Variants in TTN observed in about 807,000 individuals in gnomAD.
TTN encodes connectin.
In TTN, 1,525 loss-of-function variants were observed where a neutral mutation model predicts 3,223.0. The ratio of observed to expected loss-of-function variants is 0.47; its 90% confidence interval spans 0.45 to 0.49. The LOEUF (loss-of-function observed/expected upper bound fraction) is 0.49. TTN is among the 20% of genes least tolerant of loss of function. The pLI, the probability that TTN is intolerant of heterozygous loss-of-function variation, is 0.00. For synonymous variants in TTN, 14,094 were observed against 15,161.0 expected, an observed-to-expected ratio of 0.93 and a Z score of 5.17; for missense variants, 40,786 against 43,424.0, an observed-to-expected ratio of 0.94 and a Z score of 5.40.
rs767095590 is a variant in TTN, at chr2:178,756,279, T to C, written c.11197A>G (p.Ile3733Val). ...CTCTCTCCACAGTCATTGTGTACAATGCAGCTGTATAGTCCTTGGTCTACC... is the reference window on the plus strand; with the variant it reads ...CTCTCTCCACAGTCATTGTGTACAACGCAGCTGTATAGTCCTTGGTCTACC... ...QLVDQGLYSCIVHNDCGERTT... is the reference protein window; with the variant it reads ...QLVDQGLYSCVVHNDCGERTT... The change falls in exon 46 of 363, where the codon ATT (isoleucine) becomes GTT (valine). Residue 3733 changes from isoleucine (I) to valine (V), a missense_variant. Physicochemically the swap from Ile to Val is conservative, Grantham distance 29 (BLOSUM62 3). Coordinates refer to ENST00000589042, the MANE Select transcript of TTN (RefSeq NM_001267550.2). 5.0e-6 allele frequency: 8 copies of C among 1,613,788 alleles called. No individual in the cohort carries two copies. Among genetic ancestry groups the C allele is most frequent in the Admixed American group, 1.7e-5 (1 of 60,004 alleles).
intron 330 of TTN, 48 bp from the exon 331 acceptor site, chr2:178,555,200 A>G: frequency 6.4e-7 from 1 of 1,555,572 alleles, no homozygotes. Flanking sequence ...TAAGGATGGA[A>G]AAAAAAATAG....
chr2:178,558,296 A>G (rs370956666), intron 327 of TTN, 45 bp downstream of exon 327: 237 of 1,592,804 alleles, frequency 1.5e-4, no homozygotes, highest in Non-Finnish European at 1.9e-4. Flanking sequence ...ACATAAATCA[A>G]TGCAAATAAT....
Position 178,731,069 on chromosome 2 carries a change from C to A in TTN, c.17596G>T (p.Gly5866Cys), listed in dbSNP as rs753136638. The A allele has an allele frequency of 1.7e-5, 28 of 1,613,428 alleles. No homozygotes were observed. In the Admixed American group the frequency reaches 3.0e-4, roughly 17 times the overall value. ...GTGACACTGATTTTATATTTTGAGC[C>A]CAGGGTCAGTTCTTGGCCATCTTTA... ...WFKDGQELTLGSKYKISVTDT... is the reference protein window; with the variant it reads ...WFKDGQELTLCSKYKISVTDT... The change falls in exon 60 of 363, where the codon GGC becomes TGC. Residue 5866 changes from glycine (G) to cysteine (C), a missense_variant. Gly to Cys is a radical substitution (Grantham distance 159). Coordinates refer to ENST00000589042, the MANE Select transcript of TTN (RefSeq NM_001267550.2).
chr2:178,679,361 C>T lies in TTN; in HGVS notation c.33720G>A (p.Lys11240=). 1 of 1,612,652 alleles carries T rather than the reference C, an allele frequency of 6.2e-7. No homozygotes were observed. The highest frequency in any genetic ancestry group is 2.2e-5 in the East Asian group (1 of 44,868). ...EEKVPVLIPK[K]EKPPPAKVPE... ...TACCTTTTGCTGGCGGAGGCTTCTC[C>T]TTTTTAGGAATAAGCACAGGAACTT... Residue 11240 remains lysine, a synonymous_variant, in exon 142 of 363, where the codon AAG becomes AAA. Coordinates refer to ENST00000589042, the MANE Select transcript of TTN (RefSeq NM_001267550.2).
In TTN at chr2:178,757,604, C is replaced by G. The variant is rs750647730; in HGVS notation, c.10616G>C (p.Cys3539Ser). The G allele has an allele frequency of 1.2e-6, 2 of 1,609,388 alleles. No homozygotes were observed. Among genetic ancestry groups the G allele is most frequent in the African/African-American group, 1.3e-5 (1 of 74,808 alleles). The change falls in exon 45 of 363, where the codon TGC becomes TCC. Residue 3539 changes from cysteine (C) to serine (S), a missense_variant. By Grantham distance (112) the Cys-to-Ser change is moderately radical (BLOSUM62 -1). Coordinates refer to ENST00000589042, the MANE Select transcript of TTN (RefSeq NM_001267550.2). ...AYSEHAGQYSCKAANSAGEAT... is the reference protein window; with the variant it reads ...AYSEHAGQYSSKAANSAGEAT... ...TTCCCCAGCACTATTGGCTGCTTTGCAAGAGTACTGCCCAGCATGCTCTGA... is the reference window on the plus strand; with the variant it reads ...TTCCCCAGCACTATTGGCTGCTTTGGAAGAGTACTGCCCAGCATGCTCTGA...
In TTN at chr2:178,588,994, A is replaced by G; in HGVS notation, c.62731T>C (p.Trp20911Arg). The G allele has an allele frequency of 6.2e-7, 1 of 1,611,892 alleles. No homozygotes were observed. Among genetic ancestry groups the G allele is most frequent in the Non-Finnish European group, 8.5e-7 (1 of 1,179,332 alleles). Reference protein sequence around the residue: ...LEKCETKRMVWSTYSATVLTP... With the variant: ...LEKCETKRMVRSTYSATVLTP... ...AAGACAGTAGCAGAATAGGTAGACCAAACCATTCGCTTTGTCTCACATTTT... is the reference window on the plus strand; with the variant it reads ...AAGACAGTAGCAGAATAGGTAGACCGAACCATTCGCTTTGTCTCACATTTT... The change falls in exon 304 of 363, where the codon TGG becomes CGG. Residue 20911 changes from tryptophan to arginine, a missense_variant. By Grantham distance (101) the Trp-to-Arg change is moderately radical. Transcript: ENST00000589042.
chr2:178,732,026 C>T, intron 57 of TTN, 40 bp downstream of exon 57: 1 of 1,588,096 alleles, frequency 6.3e-7, no homozygotes, highest in Non-Finnish European at 8.6e-7. Flanking sequence ...GTGCCATGGG[C>T]CATAACTTTG....
At chr2:178,671,836 G>A (rs1339016011) in intron 155 of TTN, 135 bp downstream of exon 155, 26 of 854,158 alleles carry the variant, frequency 3.0e-5, no homozygotes, top group Non-Finnish European at 4.3e-5. Flanking sequence ...ATTAATCTTT[G>A]TGTCAACTAG....
chr2:178,720,402 C>T lies in TTN; in HGVS notation c.23360G>A (p.Cys7787Tyr). The T allele has an allele frequency of 6.2e-7, 1 of 1,612,474 alleles. No individual in the cohort carries two copies. Among genetic ancestry groups the T allele is most frequent in the East Asian group, 2.2e-5 (1 of 44,868 alleles). ...TNEVGSDTCS[C>Y]SVKFKEPPRF... ...ATACAAACCTTTGAACTTGACAGAG[C>T]AAGAACACGTGTCACTTCCCACCTC... is the stretch of plus-strand genomic sequence containing the variant. The change falls in exon 80 of 363, where the codon TGC becomes TAC. Residue 7787 changes from cysteine (C) to tyrosine (Y), a missense_variant. Physicochemically the swap from Cys to Tyr is radical, Grantham distance 194. Transcript: ENST00000589042.
chr2:178,748,354 A>G (rs936420020), intron 47 of TTN: 5 of 1,613,050 alleles, frequency 3.1e-6, no homozygotes, highest in African/African-American at 1.3e-5. Context: ...TTCTATTTGA[A>G]AGCTCTTGAC....
At position 178,558,330 on chromosome 2, in the gene TTN, A is replaced by G; in HGVS notation, c.87118+11T>C. ...ATTTCAAATTTTGCTTCTACACAAA[A>G]TTAGACATACCTAGTTGCTCCTTAA... is the stretch of plus-strand genomic sequence containing the variant. On this transcript the variant is annotated intron_variant, in intron 327 of 362. Coordinates refer to ENST00000589042, the MANE Select transcript of TTN (RefSeq NM_001267550.2). 1 of 1,603,860 alleles carries G rather than the reference A, an allele frequency of 6.2e-7. No individual in the cohort carries two copies. The highest frequency in any genetic ancestry group is 8.5e-7 in the Non-Finnish European group (1 of 1,177,368).
Position 178,781,168 on chromosome 2 carries a change from C to A in TTN, c.3476G>T (p.Arg1159Leu), listed in dbSNP as rs149883066. 17 of 1,613,840 alleles carry A rather than the reference C, an allele frequency of 1.1e-5. No individual in the cohort carries two copies. Among genetic ancestry groups the A allele is most frequent in the Non-Finnish European group, 3.4e-6 (4 of 1,179,930 alleles). ...TGCAGAAGTTTCTCCATGCTTATTGCGAACAACAATAGTGTATTCTCCAGC... is the reference window on the plus strand; with the variant it reads ...TGCAGAAGTTTCTCCATGCTTATTGAGAACAACAATAGTGTATTCTCCAGC... Reference protein sequence around the residue: ...DDAGEYTIVVRNKHGETSASA... With the variant: ...DDAGEYTIVVLNKHGETSASA... The change falls in exon 21 of 363, where the codon CGC becomes CTC. Residue 1159 changes from arginine to leucine, a missense_variant. Coordinates refer to ENST00000589042, the MANE Select transcript of TTN (RefSeq NM_001267550.2).
Position 178,611,688 on chromosome 2 carries a change from A to C in TTN, c.50552-11T>G. ...GTGGTGAGGGAGGACCTGAGAAAAG[A>C]GTGAAATATTCATATCCACAGTCTC... On this transcript the variant is annotated splice_polypyrimidine_tract_variant and intron_variant, in intron 268 of 362. Coordinates refer to ENST00000589042, the MANE Select transcript of TTN (RefSeq NM_001267550.2). The C allele has an allele frequency of 1.2e-6, 2 of 1,612,452 alleles. No homozygotes were observed. The highest frequency in any genetic ancestry group is 1.7e-6 in the Non-Finnish European group (2 of 1,179,192).
chr2:178,677,955 T>C, intron 145 of TTN, 38 bp from the exon 146 acceptor site: 2 of 1,567,696 alleles, frequency 1.3e-6, no homozygotes, highest in Non-Finnish European at 1.7e-6. Context: ...AACATCACTT[T>C]TATGTAAAAT....
chr2:178,613,140 C>A (rs746856923), intron 264 of TTN, 21 bp downstream of exon 264: 1 of 1,606,992 alleles, frequency 6.2e-7, no homozygotes, highest in South Asian at 1.1e-5. Context: ...GAAATAACCA[C>A]AAAAATTATA....
intron 250 of TTN, chr2:178,619,273 T>C (rs189926911): frequency 2.1e-4 from 79 of 381,108 alleles, no homozygotes; most frequent in African/African-American, 1.6e-3. Flanking sequence ...TGGGTCAGGA[T>C]GAGAACATAC....
rs202200861 is a variant in TTN at position 178,607,462 on chromosome 2, A to G, written c.53226T>C (p.Tyr17742=). Residue 17742 remains tyrosine, a synonymous_variant, in exon 277 of 363, where the codon TAT becomes TAC. Coordinates refer to ENST00000589042, the MANE Select transcript of TTN (RefSeq NM_001267550.2). The part of the protein sequence containing the change: ...KDALRKDHGR[Y]VITATNSCGS... ...CACAGCTATTTGTAGCTGTAATCAC[A>G]TATCTGCCATGGTCTTTTCGCAGTG... 698 of 1,613,170 alleles carry G rather than the reference A, an allele frequency of 4.3e-4. 1 individual carries two copies. The highest frequency in any genetic ancestry group is 5.6e-4 in the Non-Finnish European group (661 of 1,179,390).
chr2:178,604,547 G>A (rs923278766), intron 281 of TTN, among the ~76,000 whole-genome samples, 161 bp downstream of exon 281: 11 of 151,958 alleles, frequency 7.2e-5, no homozygotes, highest in African/African-American at 2.4e-4. Context: ...TATGTACTAA[G>A]GAGCCTTATG....
intron 209 of TTN, among the ~76,000 whole-genome samples, 153 bp downstream of exon 209, chr2:178,650,598 G>A (rs962387285): frequency 1.6e-4 from 25 of 152,256 alleles, no homozygotes; most frequent in Admixed American, 3.3e-4. Context: ...AAATAGATTT[G>A]AGATTGGAGC....
Sources: gnomAD v4.1 joint callset for allele counts (sites outside exome capture counted in the v4.1 genomes callset) on GRCh38, gnomAD v4.1.1 for gene constraint, MANE v1.5 for transcripts, NCBI Gene and HGNC (gene_info 2026-07-23, HGNC 2026-07-21) for gene names.